Variants in SPIRE1 observed in about 807,000 individuals in gnomAD.
SPIRE1 encodes the protein spire type actin nucleation factor 1, also known as protein spire homolog 1.
In SPIRE1, 40 loss-of-function variants were observed where a neutral mutation model predicts 94.1. The observed-to-expected ratio is 0.43, with a 90% confidence interval of 0.33 to 0.55. SPIRE1 has a LOEUF of 0.55. Ranked by LOEUF, SPIRE1 falls within the 20% of genes least tolerant of loss-of-function variation. The probability of loss-of-function intolerance (pLI) is 0.06; values close to 1 mark genes in which losing one functional copy is unlikely to be tolerated. For missense variants in SPIRE1, 838 were observed against 975.2 expected (o/e 0.86, Z 1.87); for synonymous variants, 376 against 371.7 (o/e 1.01, Z -0.13).
chr18:12,522,153 T>C (rs1196282932), intron 4 of SPIRE1, among the ~76,000 whole-genome samples: 3 of 152,146 alleles, frequency 2.0e-5, no homozygotes. Context: ...AGCCAAGTTG[T>C]GAATGCAAAG....
intron 2 of SPIRE1, among the ~76,000 whole-genome samples, chr18:12,604,181 A>G (rs2036910371): frequency 6.6e-6 from 1 of 152,178 alleles, no homozygotes; most frequent in Non-Finnish European, 1.5e-5. Flanking sequence ...GGGAACCCCA[A>G]TTTAGAACAG....
In SPIRE1 at chr18:12,559,139, C is replaced by T. The variant is rs1354045820; in HGVS notation, c.373-12235G>A. On this transcript the variant is annotated intron_variant, in intron 2 of 16. Coordinates refer to ENST00000409402, the MANE Select transcript of SPIRE1 (RefSeq NM_001128626.2). The surrounding 1 kb of genome is among the most constrained non-coding windows in gnomAD (Gnocchi z 4.7). ...AGGCACCTTGGAGCAGGGGGAGGCG[C>T]CCCCTGGGGAGGCTCCATCTGCTTA... Among the ~76,000 whole-genome samples, 1 of 84,550 alleles carries T rather than the reference C, an allele frequency of 1.2e-5. No individual in the cohort carries two copies. Among genetic ancestry groups the T allele is most frequent in the African/African-American group, 3.5e-5 (1 of 28,394 alleles). 55.5% of individuals were successfully genotyped at this position (84,550 alleles called of 152,430 possible).
chr18:12,496,823 C>G (rs1030005386), intron 6 of SPIRE1, among the ~76,000 whole-genome samples: 12 of 152,048 alleles, frequency 7.9e-5, no homozygotes, highest in Admixed American at 3.3e-4. Flanking sequence ...GAGCTGAGAT[C>G]ACATCACTGC....
intron 1 of SPIRE1, chr18:12,653,521 T>C (rs1039482553): frequency 6.6e-6 from 1 of 152,206 alleles, no homozygotes; most frequent in Non-Finnish European, 1.5e-5. Context: ...CTGTCACTTA[T>C]CTAAGGGGAA....
chr18:12,566,741 T>C (rs559407334), intron 2 of SPIRE1, among the ~76,000 whole-genome samples: 1 of 152,230 alleles, frequency 6.6e-6, no homozygotes, highest in East Asian at 1.9e-4. Flanking sequence ...CAGGACCAGA[T>C]AGGTTCACTG....
chr18:12,576,890 C>CAAA (rs398032016), intron 2 of SPIRE1, among the ~76,000 whole-genome samples: 2,834 of 89,888 alleles, frequency 0.032, 104 homozygotes, highest in Non-Finnish European at 0.044. Context: ...CTCTGTTTCA[C>CAAA]AAAAAAAAAA....
In SPIRE1 at chr18:12,446,989, T is replaced by G. The variant is rs889321007; in HGVS notation, c.*2649A>C. 6.6e-6 allele frequency: 1 copy of G among 152,202 alleles called. No individual in the cohort carries two copies. Among genetic ancestry groups the G allele is most frequent in the African/African-American group, 2.4e-5 (1 of 41,450 alleles). The allele number at this position is 152,202 out of a possible 1,614,324, so 9.4% of individuals were successfully genotyped here. On this transcript the variant is annotated 3_prime_UTR_variant, in exon 17 of 17. Transcript: ENST00000409402. ...TTTCACTTGCCTTGGGAGAGTTAAT[T>G]CCCACTGTCCACTGAATGAATGCCT...
At chr18:12,465,154 G>A (rs541676240) in intron 10 of SPIRE1, among the ~76,000 whole-genome samples, 196 bp from the exon 11 acceptor site, 2 of 152,252 alleles carry the variant, frequency 1.3e-5, no homozygotes, top group Non-Finnish European at 2.9e-5. Context: ...CTGCCCTGAT[G>A]AGAGTGATGT....
chr18:12,535,337 A>G, intron 4 of SPIRE1, 139 bp downstream of exon 4: 1 of 839,130 alleles, frequency 1.2e-6, no homozygotes, highest in South Asian at 1.8e-5. Flanking sequence ...AATGACTTTC[A>G]GCACTCATCT....
At chr18:12,518,257 G>A (rs549554023) in intron 4 of SPIRE1, among the ~76,000 whole-genome samples, 2 of 152,270 alleles carry the variant, frequency 1.3e-5, no homozygotes, top group South Asian at 4.1e-4. Flanking sequence ...TGGTCTGCCC[G>A]TCTTGGAGTC....
chr18:12,547,427 A>G (rs1567924572), intron 2 of SPIRE1, among the ~76,000 whole-genome samples: 1 of 152,078 alleles, frequency 6.6e-6, no homozygotes, highest in Admixed American at 6.6e-5. Context: ...TCCCTACCAC[A>G]CACCTCCATC....
chr18:12,658,538 A>C (rs773851795), upstream of SPIRE1: 440 of 470,546 alleles, frequency 9.4e-4, 4 homozygotes, highest in South Asian at 3.5e-3. Context: ...ACCGCCCTGC[A>C]CAGCGGGAGA....
intron 5 of SPIRE1, among the ~76,000 whole-genome samples, chr18:12,511,832 C>T (rs2034043430): frequency 6.6e-6 from 1 of 152,062 alleles, no homozygotes; most frequent in Non-Finnish European, 1.5e-5. Flanking sequence ...TCGTGTGATC[C>T]TTCTAACTCA....
At chr18:12,503,980 C>A (rs1211076817) in intron 6 of SPIRE1, among the ~76,000 whole-genome samples, 1 of 147,134 alleles carries the variant, frequency 6.8e-6, no homozygotes, top group Non-Finnish European at 1.5e-5. Flanking sequence ...GGAATATGTA[C>A]ATAGCACAGA....
intron 4 of SPIRE1, among the ~76,000 whole-genome samples, chr18:12,528,709 T>C (rs756365849): frequency 3.9e-5 from 6 of 152,170 alleles, no homozygotes; most frequent in Non-Finnish European, 7.3e-5. Context: ...GGGTTTGTCA[T>C]GGTCCAGGCA....
intron 10 of SPIRE1, among the ~76,000 whole-genome samples, chr18:12,473,437 A>C (rs1217312185): frequency 1.3e-5 from 2 of 152,228 alleles, no homozygotes; most frequent in Non-Finnish European, 1.5e-5. Context: ...GTTGCTCTTT[A>C]TAATGGTAGA....
chr18:12,633,456 G>A (rs891631664), intron 2 of SPIRE1, among the ~76,000 whole-genome samples: 2 of 151,964 alleles, frequency 1.3e-5, no homozygotes, highest in South Asian at 2.1e-4. Flanking sequence ...TGTGCCTGTA[G>A]TCCCAGCGAC....
chr18:12,593,892 C>T (rs771996017), intron 2 of SPIRE1, among the ~76,000 whole-genome samples: 39 of 151,498 alleles, frequency 2.6e-4, no homozygotes, highest in Non-Finnish European at 5.0e-4. Flanking sequence ...GCGGAGCTTG[C>T]GGTTGAGATT....
chr18:12,519,805 G>A (rs1023810080), intron 4 of SPIRE1, among the ~76,000 whole-genome samples: 2 of 152,126 alleles, frequency 1.3e-5, no homozygotes, highest in African/African-American at 4.8e-5. Flanking sequence ...TCAAGATGTA[G>A]GAGAATAGAT....
Sources: allele counts gnomAD v4.1 joint callset (sites outside exome capture counted in the v4.1 genomes callset), GRCh38; gene constraint gnomAD v4.1.1; non-coding constraint Gnocchi (gnomAD v3.1); transcripts MANE v1.5; gene names NCBI Gene and HGNC (gene_info 2026-07-23, HGNC 2026-07-21).